The following FNDC3B variants were observed in gnomAD, a reference collection of about 807,000 sequenced individuals.
The protein encoded by FNDC3B is fibronectin type III domain-containing protein 3B.
Under a neutral mutation model 151.5 loss-of-function variants are expected in FNDC3B, and 12 were observed. The observed-to-expected ratio is 0.08, with a 90% CI of 0.05 to 0.13. The LOEUF is 0.13. Ranked by LOEUF, FNDC3B falls within the 10% of genes least tolerant of loss-of-function variation. The pLI is 1.00. For missense variants in FNDC3B, 1,214 were observed against 1,505.3 expected (o/e 0.81, Z 3.20); for synonymous variants, 528 against 549.0 (o/e 0.96, Z 0.54).
At chr3:172,303,979 C>CCTT (rs1731064883) in intron 9 of FNDC3B, among the ~76,000 whole-genome samples, 1 of 152,144 alleles carries the variant, frequency 6.6e-6, no homozygotes, top group African/African-American at 2.4e-5. Flanking sequence ...AAGCATTGAC[C>CCTT]CTTAGCATAA....
At chr3:172,161,997 G>GA (rs1722803006) in intron 3 of FNDC3B, among the ~76,000 whole-genome samples, 1 of 150,996 alleles carries the variant, frequency 6.6e-6, no homozygotes, top group Non-Finnish European at 1.5e-5. Context: ...TTTGGGGGGG[G>GA]ACAGAGTCTC....
intron 3 of FNDC3B, among the ~76,000 whole-genome samples, chr3:172,207,501 G>C (rs1725492217): frequency 6.6e-6 from 1 of 152,146 alleles, no homozygotes; most frequent in Admixed American, 6.5e-5. Flanking sequence ...GACTTCTCCA[G>C]ATATATTAAA....
intron 11 of FNDC3B, among the ~76,000 whole-genome samples, chr3:172,313,009 TCTC>T (rs1352144409): frequency 1.3e-5 from 2 of 152,154 alleles, no homozygotes; most frequent in Non-Finnish European, 2.9e-5. Context: ...CCTCTACCTT[TCTC>T]CTACTTGATC....
chr3:172,205,615 C>T (rs183028124), intron 3 of FNDC3B, among the ~76,000 whole-genome samples: 2 of 152,060 alleles, frequency 1.3e-5, no homozygotes, highest in Non-Finnish European at 1.5e-5. Context: ...CTACGGTTGG[C>T]GAGGGAAGAA....
chr3:172,122,326 C>T (rs1196474481), intron 2 of FNDC3B, among the ~76,000 whole-genome samples: 5 of 151,826 alleles, frequency 3.3e-5, no homozygotes, highest in African/African-American at 1.2e-4. Flanking sequence ...CAAAAATAAA[C>T]AGCCTGCCAA....
Position 172,172,264 on chromosome 3 carries a change from G to A in FNDC3B, c.187+38718G>A, listed in dbSNP as rs76073704. ...TTGCTTGTGGGAAATTTTTCGTCAA[G>A]TGTACCTGTACCTAACCCATGACTA... On this transcript the variant is annotated intron_variant, in intron 3 of 25. Transcript: ENST00000415807. 5.9e-5 allele frequency among the ~76,000 whole-genome samples: 9 copies of A among 152,232 alleles called. No individual in the cohort carries two copies. In the East Asian group the frequency reaches 1.7e-3, roughly 29 times the overall value.
intron 1 of FNDC3B, among the ~76,000 whole-genome samples, chr3:172,047,599 C>T (rs1716426418): frequency 6.6e-6 from 1 of 151,810 alleles, no homozygotes; most frequent in African/African-American, 2.4e-5. Flanking sequence ...GATACAGGAG[C>T]CCCTGGAAAG....
chr3:172,071,857 C>T (rs895182651), intron 1 of FNDC3B, among the ~76,000 whole-genome samples: 11 of 151,948 alleles, frequency 7.2e-5, no homozygotes, highest in East Asian at 3.9e-4. Context: ...CATGGTCTTA[C>T]GAGGATAGAT....
At chr3:172,384,915 A>T (rs1054029719) in intron 25 of FNDC3B, among the ~76,000 whole-genome samples, 1 of 152,208 alleles carries the variant, frequency 6.6e-6, no homozygotes, top group Non-Finnish European at 1.5e-5. Flanking sequence ...CTTGTTGTAA[A>T]CAGGTGAAAA....
At chr3:172,254,870 C>G (rs1481602176) in intron 6 of FNDC3B, among the ~76,000 whole-genome samples, 1 of 152,166 alleles carries the variant, frequency 6.6e-6, no homozygotes, top group East Asian at 1.9e-4. Context: ...GGCTTTGTTA[C>G]TTACTATTTC....
chr3:172,368,379 A>G (rs1287677946), intron 23 of FNDC3B, among the ~76,000 whole-genome samples: 2 of 152,144 alleles, frequency 1.3e-5, no homozygotes, highest in African/African-American at 4.8e-5. Context: ...TTATCAGACC[A>G]TGTTGCCAAA....
chr3:172,271,515 C>A (rs767043371), intron 6 of FNDC3B, among the ~76,000 whole-genome samples: 3 of 152,092 alleles, frequency 2.0e-5, no homozygotes, highest in Admixed American at 2.0e-4. Flanking sequence ...ATGGTTTATG[C>A]GCTCTTATTC....
chr3:172,319,339 A>C (rs1039591144), intron 11 of FNDC3B, among the ~76,000 whole-genome samples: 4 of 152,190 alleles, frequency 2.6e-5, no homozygotes, highest in African/African-American at 9.7e-5. Flanking sequence ...AGACAGTCTT[A>C]ACACATCGAT....
chr3:172,077,655 G>A (rs1481173190), intron 1 of FNDC3B, among the ~76,000 whole-genome samples: 1 of 152,100 alleles, frequency 6.6e-6, no homozygotes, highest in East Asian at 1.9e-4. Flanking sequence ...TTGTCTGAGA[G>A]AAAATTAATG....
At chr3:172,392,183 T>C (rs540244089) in intron 25 of FNDC3B, among the ~76,000 whole-genome samples, 1 of 152,304 alleles carries the variant, frequency 6.6e-6, no homozygotes, top group Non-Finnish European at 1.5e-5. Context: ...GAGAAAGGAA[T>C]GGTCTCTCAG....
At chr3:172,172,783 A>G (rs890819117) in intron 3 of FNDC3B, among the ~76,000 whole-genome samples, 1 of 152,018 alleles carries the variant, frequency 6.6e-6, no homozygotes, top group Non-Finnish European at 1.5e-5. Context: ...CACTTGTTCT[A>G]TTAAGTCATG....
intron 1 of FNDC3B, among the ~76,000 whole-genome samples, chr3:172,058,412 C>G (rs1394395115): frequency 6.6e-6 from 1 of 150,716 alleles, no homozygotes; most frequent in East Asian, 1.9e-4. Flanking sequence ...GACTTGGTTT[C>G]TGCTACTGTT....
At chr3:172,362,282 T>C (rs1734402551) in intron 22 of FNDC3B, among the ~76,000 whole-genome samples, 1 of 152,228 alleles carries the variant, frequency 6.6e-6, no homozygotes, top group Admixed American at 6.5e-5. Flanking sequence ...ATAGCTCACC[T>C]ACTTCCAAAA....
chr3:172,123,860 T>C (rs377010758), intron 2 of FNDC3B, among the ~76,000 whole-genome samples: 2 of 152,162 alleles, frequency 1.3e-5, no homozygotes, highest in African/African-American at 4.8e-5. Flanking sequence ...TCTCTTAGGG[T>C]TTGTGATAGG....
Sources: gnomAD v4.1 joint callset for allele counts (sites outside exome capture counted in the v4.1 genomes callset) on GRCh38, gnomAD v4.1.1 for gene constraint, MANE v1.5 for transcripts, NCBI Gene and HGNC (gene_info 2026-07-23, HGNC 2026-07-21) for gene names.